EFL1: variants seen among roughly 807,000 people sequenced by gnomAD.
EFL1 encodes the protein elongation factor like GTPase 1.
EFL1 carries 76 observed loss-of-function variants against 126.7 expected under a neutral mutation model. The observed-to-expected ratio is 0.60, with a 90% confidence interval of 0.50 to 0.73. The LOEUF (loss-of-function observed/expected upper bound fraction) is 0.73, where lower values mean the gene tolerates loss of function less well. Ranked by LOEUF, EFL1 falls within the 30% of genes least tolerant of loss-of-function variation. The pLI is 0.00. For synonymous variants in EFL1, 410 were observed against 448.4 expected, an observed-to-expected ratio of 0.91 and a Z score of 1.08; for missense variants, 1,128 against 1,343.2, an observed-to-expected ratio of 0.84 and a Z score of 2.50.
intron 14 of EFL1, among the ~76,000 whole-genome samples, chr15:82,216,290 A>C (rs1314161783): frequency 6.6e-6 from 1 of 152,204 alleles, no homozygotes; most frequent in African/African-American, 2.4e-5. Context: ...GTATTATAAA[A>C]TGCTGATTCA....
At chr15:82,157,641 G>T in intron 17 of EFL1, 72 bp downstream of exon 17, 1 of 1,512,886 alleles carries the variant, frequency 6.6e-7, no homozygotes, top group Admixed American at 2.0e-5. Flanking sequence ...AAGTTCAACT[G>T]GTTTAGGAAA....
rs1185711677 is a variant in EFL1 at position 82,152,094 on chromosome 15, T to C, written c.2360A>G (p.Glu787Gly). The C allele has an allele frequency of 6.8e-6, 11 of 1,614,132 alleles. No homozygotes were observed. The highest frequency in any genetic ancestry group is 9.3e-6 in the Non-Finnish European group (11 of 1,180,028). Residue 787 changes from glutamate to glycine, a missense_variant, in exon 18 of 20, where the codon GAA becomes GGA. Glu to Gly is a moderately conservative substitution (Grantham distance 98). This residue lies in a region of EFL1 where 561 missense variants were observed against 641.7 expected (regional missense o/e 0.87). Transcript: ENST00000268206. Reference protein sequence around the residue: ...EQLTSSLNEGENTHMIHQKTQ... With the variant: ...EQLTSSLNEGGNTHMIHQKTQ... ...CTTCTGATGAATCATGTGAGTATTT[T>C]CACCCTCATTCAAAGAGGATGTCAA...
chr15:82,209,197 A>G (rs1193099427), intron 15 of EFL1, among the ~76,000 whole-genome samples: 1 of 152,174 alleles, frequency 6.6e-6, no homozygotes, highest in Non-Finnish European at 1.5e-5. Context: ...AAGTCTTAAG[A>G]ACCAAATTCT....
At chr15:82,250,942 T>C (rs1208342672) in intron 4 of EFL1, among the ~76,000 whole-genome samples, 1 of 152,194 alleles carries the variant, frequency 6.6e-6, no homozygotes, top group Non-Finnish European at 1.5e-5. Context: ...CTGGGCGCGG[T>C]GGCTCCCGAC....
chr15:82,234,563 C>T (rs946798850), intron 7 of EFL1, among the ~76,000 whole-genome samples: 1 of 152,048 alleles, frequency 6.6e-6, no homozygotes, highest in Non-Finnish European at 1.5e-5. Flanking sequence ...TATTATATTA[C>T]ACTGCCCTGC....
rs1201744875 is a variant in EFL1, at chr15:82,151,545, C to T, written c.2909G>A (p.Arg970His). The T allele has an allele frequency of 3.1e-6, 5 of 1,613,956 alleles. No homozygotes were observed. Among genetic ancestry groups the T allele is most frequent in the East Asian group, 2.2e-5 (1 of 44,886 alleles). Residue 970 changes from arginine to histidine, a missense_variant, in exon 18 of 20, where the codon CGC becomes CAC. By Grantham distance (29) the Arg-to-His change is conservative. Around this residue, in one of 6 missense-constraint regions of EFL1, gnomAD observed 561 missense variants for 641.7 expected, o/e 0.87. Coordinates refer to ENST00000268206, the MANE Select transcript of EFL1 (RefSeq NM_024580.6). ...QLIATMKEAC[R>H]YALQVKPQRL... ...CTGAGGTTTCACTTGCAGTGCATAG[C>T]GACATGCTTCTTTCATGGTGGCAAT...
At chr15:82,250,243 C>T (rs943513803) in intron 4 of EFL1, among the ~76,000 whole-genome samples, 5 of 127,804 alleles carry the variant, frequency 3.9e-5, no homozygotes, top group African/African-American at 9.2e-5. Context: ...TCCCAGTCAA[C>T]ATTCCTAACT....
At chr15:82,180,484 A>G (rs953618696) in intron 15 of EFL1, among the ~76,000 whole-genome samples, 3 of 152,098 alleles carry the variant, frequency 2.0e-5, no homozygotes, top group African/African-American at 7.2e-5. Flanking sequence ...GCAATAGACT[A>G]ATTATCCATT....
At chr15:82,162,572 G>A (rs1567045888) in intron 16 of EFL1, among the ~76,000 whole-genome samples, 4 of 152,156 alleles carry the variant, frequency 2.6e-5, no homozygotes, top group Admixed American at 2.6e-4. Context: ...CCTAAAAGAG[G>A]AAGCATGTTT....
intron 8 of EFL1, among the ~76,000 whole-genome samples, chr15:82,229,834 G>C (rs938922740): frequency 1.3e-5 from 2 of 152,076 alleles, no homozygotes; most frequent in Non-Finnish European, 2.9e-5. Context: ...AAATGATAGT[G>C]CTCTCACAAA....
intron 15 of EFL1, among the ~76,000 whole-genome samples, chr15:82,165,519 T>C (rs1248698072): frequency 6.6e-6 from 1 of 152,174 alleles, no homozygotes. Flanking sequence ...CTACACAGTA[T>C]GGAAACCTCC....
chr15:82,132,105 C>T (rs2073655005), intron 19 of EFL1, among the ~76,000 whole-genome samples: 1 of 152,204 alleles, frequency 6.6e-6, no homozygotes, highest in African/African-American at 2.4e-5. Context: ...TCTGTGGGCA[C>T]CTGCATCTCC....
intron 14 of EFL1, 62 bp from the exon 15 acceptor site, chr15:82,214,917 T>C (rs2074629945): frequency 6.5e-7 from 1 of 1,539,592 alleles, no homozygotes; most frequent in Non-Finnish European, 8.7e-7. Flanking sequence ...AATTGGTATT[T>C]GTAAAGTTAC....
intron 7 of EFL1, among the ~76,000 whole-genome samples, chr15:82,235,127 C>T (rs1315530192): frequency 1.3e-5 from 2 of 152,142 alleles, no homozygotes; most frequent in Non-Finnish European, 2.9e-5. Flanking sequence ...CTCAGGCAGA[C>T]TTTAATCTTA....
intron 4 of EFL1, among the ~76,000 whole-genome samples, chr15:82,245,780 A>G (rs540821765): frequency 1.3e-5 from 2 of 152,006 alleles, no homozygotes; most frequent in Admixed American, 1.3e-4. Flanking sequence ...AAAAAAATTT[A>G]AAAAATTAGC....
chr15:82,173,956 G>A (rs560957436), intron 15 of EFL1, among the ~76,000 whole-genome samples: 17 of 152,138 alleles, frequency 1.1e-4, no homozygotes, highest in Admixed American at 5.9e-4. Flanking sequence ...TTGGGAGGCC[G>A]AAGCAGGCGG....
chr15:82,193,578 A>C, intron 15 of EFL1, among the ~76,000 whole-genome samples: 1 of 152,304 alleles, frequency 6.6e-6, no homozygotes, highest in Non-Finnish European at 1.5e-5. Flanking sequence ...ACTTAGCTAG[A>C]GTAAAATTTG....
Position 82,131,645 on chromosome 15 carries a change from A to G in EFL1, c.3175-1084T>C, listed in dbSNP as rs562045409. ...GTCTCTACTAAAAATACAAAAAATT[A>G]GCCAGGCTTGATGGCGCATGCCTGT... On this transcript the variant is annotated intron_variant, in intron 19 of 19. Transcript: ENST00000268206. Among the ~76,000 whole-genome samples, 286 of 152,164 alleles carry G rather than the reference A, an allele frequency of 1.9e-3. 2 individuals carry two copies. The highest frequency in any genetic ancestry group is 1.2e-3 in the Non-Finnish European group (80 of 68,012).
At chr15:82,215,885 C>A (rs1046016346) in intron 14 of EFL1, among the ~76,000 whole-genome samples, 5 of 152,046 alleles carry the variant, frequency 3.3e-5, no homozygotes, top group Non-Finnish European at 5.9e-5. Context: ...GCTAAAATGA[C>A]AACTCTCAAA....
Sources: gnomAD v4.1 joint callset for allele counts (sites outside exome capture counted in the v4.1 genomes callset) on GRCh38, gnomAD v4.1.1 for gene constraint, gnomAD v4.1.1 regional missense constraint, MANE v1.5 for transcripts, NCBI Gene and HGNC (gene_info 2026-07-23, HGNC 2026-07-21) for gene names.